Variants in SPTSSB observed in about 807,000 individuals in gnomAD.
SPTSSB encodes the protein serine palmitoyltransferase small subunit B, also known as androgen down regulated in mouse prostate.
Under a neutral mutation model 7.7 loss-of-function variants are expected in SPTSSB, and 6 were observed. That is an observed-to-expected ratio of 0.78 (90% CI 0.43 to 1.54). SPTSSB has a LOEUF of 1.54. Ranked by LOEUF, SPTSSB falls within the 40% of genes most tolerant of loss-of-function variation. SPTSSB has a pLI of 0.01. For missense variants in SPTSSB, 91 were observed against 93.0 expected (o/e 0.98, Z 0.09); for synonymous variants, 28 against 29.7 (o/e 0.94, Z 0.19).
At chr3:161,356,603 T>C (rs971589789) in intron 2 of SPTSSB, among the ~76,000 whole-genome samples, 1 of 152,238 alleles carries the variant, frequency 6.6e-6, no homozygotes, top group African/African-American at 2.4e-5. Flanking sequence ...GATATGTTTA[T>C]ACAACTTTTT....
intron 2 of SPTSSB, among the ~76,000 whole-genome samples, chr3:161,357,738 G>A (rs1714834804): frequency 6.6e-6 from 1 of 152,086 alleles, no homozygotes; most frequent in Non-Finnish European, 1.5e-5. Flanking sequence ...ACACAGAGAA[G>A]GCCCTGTGAA....
At chr3:161,370,701 T>G (rs1210452743) in intron 1 of SPTSSB, among the ~76,000 whole-genome samples, 1 of 152,234 alleles carries the variant, frequency 6.6e-6, no homozygotes, top group East Asian at 1.9e-4. Context: ...TTCAAACTCC[T>G]TATGTGATTG....
chr3:161,367,583 G>C (rs1324714349), intron 1 of SPTSSB, among the ~76,000 whole-genome samples: 1 of 152,228 alleles, frequency 6.6e-6, no homozygotes, highest in Non-Finnish European at 1.5e-5. Context: ...CAGGCAGCTT[G>C]TGGGAACTCA....
At chr3:161,358,615 A>G (rs1438132215) in intron 2 of SPTSSB, among the ~76,000 whole-genome samples, 1 of 152,216 alleles carries the variant, frequency 6.6e-6, no homozygotes, top group African/African-American at 2.4e-5. Flanking sequence ...CAGGCAAAGA[A>G]TGAAAGAGAA....
At chr3:161,365,095 T>TAC (rs1323457951) in intron 1 of SPTSSB, among the ~76,000 whole-genome samples, 1 of 152,240 alleles carries the variant, frequency 6.6e-6, no homozygotes, top group Non-Finnish European at 1.5e-5. Context: ...TGCCATTTTA[T>TAC]ACTGATAATA....
rs79462202 is a variant in SPTSSB, at chr3:161,357,601, G to A, written c.-33+2201C>T. ...CAAAACCTATGTTCATGTCTTGGAA[G>A]CAGTGAATATGACCTTTTTGGAAGA... On this transcript the variant is annotated intron_variant, in intron 2 of 2. Coordinates refer to ENST00000620149, the MANE Select transcript of SPTSSB (RefSeq NM_001040100.2). Among the ~76,000 whole-genome samples the A allele has an allele frequency of 9.8e-3, 1,495 of 152,312 alleles. 35 individuals carry two copies. Among genetic ancestry groups the A allele is most frequent in the African/African-American group, 0.035 (1,437 of 41,574 alleles).
intron 2 of SPTSSB, among the ~76,000 whole-genome samples, chr3:161,347,087 A>G (rs368164940): frequency 6.6e-6 from 1 of 152,302 alleles, no homozygotes; most frequent in South Asian, 2.1e-4. Flanking sequence ...TTGGAGCCCA[A>G]GTATTTCAGA....
chr3:161,345,341 A>G lies in SPTSSB; in HGVS notation c.*752T>C, dbSNP rs1056343206. ...ATTTCTTTTCTCTTTTTCCCCCAGCATCATGCAAGGCAAGGCAACACCACA... is the reference window on the plus strand; with the variant it reads ...ATTTCTTTTCTCTTTTTCCCCCAGCGTCATGCAAGGCAAGGCAACACCACA... On this transcript the variant is annotated 3_prime_UTR_variant, in exon 3 of 3. Coordinates refer to ENST00000620149, the MANE Select transcript of SPTSSB (RefSeq NM_001040100.2). 1 of 152,530 alleles carries G rather than the reference A, an allele frequency of 6.6e-6. No individual in the cohort carries two copies. Among genetic ancestry groups the G allele is most frequent in the Non-Finnish European group, 1.5e-5 (1 of 68,014 alleles). 9.4% of individuals were successfully genotyped at this position (152,530 alleles called of 1,614,324 possible).
chr3:161,347,599 C>T (rs1463309084), intron 2 of SPTSSB, among the ~76,000 whole-genome samples: 3 of 151,870 alleles, frequency 2.0e-5, no homozygotes, highest in East Asian at 2.0e-4. Context: ...TTGTCGGGCT[C>T]GGTGGCTCAC....
Position 161,359,827 on chromosome 3 carries a change from C to T in SPTSSB, c.-58G>A. 1 of 984,440 alleles carries T rather than the reference C, an allele frequency of 1.0e-6. No individual in the cohort carries two copies. Among genetic ancestry groups the T allele is most frequent in the Non-Finnish European group, 1.2e-6 (1 of 829,022 alleles). The allele number at this position is 984,440 out of a possible 1,614,324, so 61.0% of individuals were successfully genotyped here. ...CTAAGAAAGTCCAGGTCTGGTTCTTCAGCCTTGCTCCTTCACGAAATGATC... is the reference window on the plus strand; with the variant it reads ...CTAAGAAAGTCCAGGTCTGGTTCTTTAGCCTTGCTCCTTCACGAAATGATC... On this transcript the variant is annotated 5_prime_UTR_variant, in exon 2 of 3. Transcript: ENST00000620149.
intron 2 of SPTSSB, among the ~76,000 whole-genome samples, chr3:161,357,908 G>A (rs1160271739): frequency 6.6e-6 from 1 of 151,900 alleles, no homozygotes; most frequent in Admixed American, 6.6e-5. Flanking sequence ...GAGTATCAGA[G>A]AACAAACTTC....
intron 1 of SPTSSB, among the ~76,000 whole-genome samples, chr3:161,371,228 G>A (rs1715496467): frequency 6.6e-6 from 1 of 152,190 alleles, no homozygotes; most frequent in Non-Finnish European, 1.5e-5. Flanking sequence ...TTAAAGTTTG[G>A]CTTCTACTGA....
rs375216413 is a variant in SPTSSB, at chr3:161,346,310, C to T, written c.14G>A (p.Arg5His). The T allele has an allele frequency of 8.3e-5, 134 of 1,610,552 alleles. 2 individuals are homozygous for T. Among genetic ancestry groups the T allele is most frequent in the Admixed American group, 6.7e-4 (40 of 59,990 alleles). The change falls in exon 3 of 3, where the codon CGT becomes CAT. Residue 5 changes from arginine (R) to histidine (H), a missense_variant. Transcript: ENST00000620149. ...GAGCCAGGAGAAATATTCCTTCACACGCCTCAAATCCATGGTTGGCTCCTT... is the reference window on the plus strand; with the variant it reads ...GAGCCAGGAGAAATATTCCTTCACATGCCTCAAATCCATGGTTGGCTCCTT... MDLR[R>H]VKEYFSWLYY...
intron 1 of SPTSSB, among the ~76,000 whole-genome samples, chr3:161,361,912 C>T (rs971248474): frequency 5.3e-5 from 8 of 152,104 alleles, no homozygotes; most frequent in Non-Finnish European, 1.2e-4. Context: ...TTGTTTCCTC[C>T]TAAATAGAGG....
intron 1 of SPTSSB, among the ~76,000 whole-genome samples, chr3:161,366,644 C>T (rs1703661481): frequency 6.6e-6 from 1 of 151,968 alleles, no homozygotes; most frequent in Admixed American, 6.6e-5. Flanking sequence ...TTCTTCAGAG[C>T]CCTTATCTAC....
chr3:161,363,602 A>C (rs1474080856), intron 1 of SPTSSB, among the ~76,000 whole-genome samples: 1 of 152,070 alleles, frequency 6.6e-6, no homozygotes, highest in Non-Finnish European at 1.5e-5. Flanking sequence ...AAATATAGAC[A>C]ACCATAATTT....
chr3:161,370,329 T>A (rs542860761), intron 1 of SPTSSB, among the ~76,000 whole-genome samples: 1 of 152,326 alleles, frequency 6.6e-6, no homozygotes, highest in African/African-American at 2.4e-5. Flanking sequence ...TAATTTATTA[T>A]CATTAAATAG....
chr3:161,353,952 A>C (rs1400409883), intron 2 of SPTSSB, among the ~76,000 whole-genome samples: 1 of 152,112 alleles, frequency 6.6e-6, no homozygotes, highest in Non-Finnish European at 1.5e-5. Flanking sequence ...TGAATACCAG[A>C]AGTCAGACCA....
intron 1 of SPTSSB, among the ~76,000 whole-genome samples, chr3:161,369,310 CTTTCTCTT>C (rs1241988621): frequency 2.0e-3 from 77 of 39,442 alleles, no homozygotes; most frequent in Middle Eastern, 0.017. Context: ...TTCTTTCTTT[CTTTCTCTT>C]TCTTTCTTTC....
Sources: gnomAD v4.1 joint callset for allele counts (sites outside exome capture counted in the v4.1 genomes callset) on GRCh38, gnomAD v4.1.1 for gene constraint, MANE v1.5 for transcripts, NCBI Gene and HGNC (gene_info 2026-07-23, HGNC 2026-07-21) for gene names.